Variants in WDR90 observed in about 807,000 individuals in gnomAD.
WDR90 encodes WD repeat domain 90.
Under a neutral mutation model 195.2 loss-of-function variants are expected in WDR90, and 238 were observed. The observed-to-expected ratio is 1.22, with a 90% CI of 1.10 to 1.36. The LOEUF (loss-of-function observed/expected upper bound fraction) is 1.36. Among genes scored for constraint, WDR90 ranks in the 40% most tolerant of loss-of-function variants. WDR90 has a pLI of 0.00. For synonymous variants in WDR90, 1,265 were observed against 1,052.4 expected, an observed-to-expected ratio of 1.20 and a Z score of -3.91; for missense variants, 2,734 against 2,439.5, an observed-to-expected ratio of 1.12 and a Z score of -2.54.
chr16:660,569 G>A, intron 27 of WDR90, 43 bp from the exon 28 acceptor site: 6 of 1,538,748 alleles, frequency 3.9e-6, no homozygotes, highest in Non-Finnish European at 5.3e-6. Flanking sequence ...GGCACAGGTG[G>A]CCATGCTGGG....
intron 14 of WDR90, 49 bp downstream of exon 14, chr16:655,196 G>T: frequency 6.2e-7 from 1 of 1,612,162 alleles, no homozygotes; most frequent in African/African-American, 1.3e-5. Flanking sequence ...TGGGCCCGGA[G>T]TGGGGGCCGA....
At chr16:665,849 T>TG (rs2038014892) in intron 35 of WDR90, 48 bp downstream of exon 35, 2 of 1,353,836 alleles carry the variant, frequency 1.5e-6, no homozygotes, top group Non-Finnish European at 2.0e-6. Flanking sequence ...GCCTGCTCAG[T>TG]GGGGGGCCTG....
chr16:655,131 T>C lies in WDR90; in HGVS notation c.1540T>C (p.Phe514Leu), dbSNP rs752759910. 6.2e-7 allele frequency: 1 copy of C among 1,612,418 alleles called. No homozygotes were observed. The highest frequency in any genetic ancestry group is 1.1e-5 in the South Asian group (1 of 91,084). The change falls in exon 14 of 41, where the codon TTT becomes CTT. Residue 514 changes from phenylalanine to leucine, a missense_variant. Phe to Leu is a conservative substitution (Grantham distance 22, BLOSUM62 0). Transcript: ENST00000293879. ...TGACGTCCAGGCCTTCCGGGTCACCTTTTTTGATGAAACCAGGTGATGCAG... is the reference window on the plus strand; with the variant it reads ...TGACGTCCAGGCCTTCCGGGTCACCCTTTTTGATGAAACCAGGTGATGCAG... ...DFDVQAFRVT[F>L]FDETRMASCG...
rs2037730114 is a variant in WDR90 at position 655,394 on chromosome 16, C to T, written c.1644C>T (p.His548=). The part of the protein sequence containing the change: ...LRSCPVDLGE[H]HALQFTDLAF... ...CCTGCCCCGTGGACTTAGGGGAGCA[C>T]CACGCGCTGCAGTTCACCGACCTGG... Residue 548 remains histidine, a synonymous_variant, in exon 15 of 41, where the codon CAC becomes CAT. Coordinates refer to ENST00000293879, the MANE Select transcript of WDR90 (RefSeq NM_145294.5). 6.3e-7 allele frequency: 1 copy of T among 1,596,478 alleles called. No individual in the cohort carries two copies. The highest frequency in any genetic ancestry group is 8.5e-7 in the Non-Finnish European group (1 of 1,176,888).
In WDR90 at chr16:666,466, A is replaced by G. The variant is rs771823312; in HGVS notation, c.4752A>G (p.Leu1584=). ...ICVTCKECED[L]GVEGTDLWLA... is the part of the protein sequence containing the mutation. ...CACTCCATTCCCAGTGTGAAGACTT[A>G]GGGGTGGAGGGCACAGACCTATGGC... Residue 1584 remains leucine (L), a synonymous_variant, in exon 38 of 41, where the codon TTA becomes TTG. Transcript: ENST00000293879. 5.0e-6 allele frequency: 8 copies of G among 1,612,098 alleles called. No homozygotes were observed. The highest frequency in any genetic ancestry group is 1.3e-5 in the African/African-American group (1 of 74,916).
intron 40 of WDR90, 115 bp downstream of exon 40, chr16:667,104 G>T: frequency 8.8e-7 from 1 of 1,142,564 alleles, no homozygotes. Flanking sequence ...CGTCTCTGGG[G>T]TGGGGTGAGG....
At chr16:649,502 C>T (rs1397300022) in intron 1 of WDR90, 76 bp downstream of exon 1, 1 of 1,277,526 alleles carries the variant, frequency 7.8e-7, no homozygotes, top group Non-Finnish European at 9.9e-7. Flanking sequence ...GGCCGGAGCG[C>T]TCAGGGCCCC....
chr16:659,627 G>A (rs981677141), intron 26 of WDR90, among the ~76,000 whole-genome samples: 13 of 152,170 alleles, frequency 8.5e-5, no homozygotes, highest in African/African-American at 2.4e-4. Flanking sequence ...CCTTGTCCCC[G>A]TCAGATGAGG....
In WDR90 at chr16:655,314, T is replaced by G; in HGVS notation, c.1564T>G (p.Ser522Ala). 1.9e-6 allele frequency: 3 copies of G among 1,605,824 alleles called. No individual in the cohort carries two copies. Among genetic ancestry groups the G allele is most frequent in the Non-Finnish European group, 1.7e-6 (2 of 1,179,686 alleles). ...AGTCCTCATTCCTTGCAGGATGGCGTCGTGCGGGCAGGGCAGTGTGCGGCT... is the reference window on the plus strand; with the variant it reads ...AGTCCTCATTCCTTGCAGGATGGCGGCGTGCGGGCAGGGCAGTGTGCGGCT... ...VTFFDETRMASCGQGSVRLWR... is the reference protein window; with the variant it reads ...VTFFDETRMAACGQGSVRLWR... Residue 522 changes from serine to alanine, a missense_variant, in exon 15 of 41, where the codon TCG becomes GCG. By Grantham distance (99) the Ser-to-Ala change is moderately conservative (BLOSUM62 1). Coordinates refer to ENST00000293879, the MANE Select transcript of WDR90 (RefSeq NM_145294.5).
rs763030348 is a variant in WDR90, at chr16:657,787, C to T, written c.2499C>T (p.Pro833=). 18 of 1,550,850 alleles carry T rather than the reference C, an allele frequency of 1.2e-5. No homozygotes were observed. Among genetic ancestry groups the T allele is most frequent in the South Asian group, 4.8e-5 (4 of 84,160 alleles). ...CGGACATGGTATGCCCGGATGCCCCCGCGAGCCCCAGCGCCCTGGCAGTCA... is the reference window on the plus strand; with the variant it reads ...CGGACATGGTATGCCCGGATGCCCCTGCGAGCCCCAGCGCCCTGGCAGTCA... The part of the protein sequence containing the change: ...VAADMVCPDA[P]ASPSALAVSR... Residue 833 remains proline, a synonymous_variant, in exon 21 of 41, where the codon CCC becomes CCT. Transcript: ENST00000293879.
At chr16:651,300 A>G in intron 7 of WDR90, 34 bp downstream of exon 7, 1 of 1,610,040 alleles carries the variant, frequency 6.2e-7, no homozygotes, top group South Asian at 1.1e-5. Flanking sequence ...ACCCAGGTTA[A>G]GGCCTGTAGG....
chr16:650,945 C>T, intron 5 of WDR90, 50 bp from the exon 6 acceptor site: 1 of 1,593,702 alleles, frequency 6.3e-7, no homozygotes. Context: ...GCCCTGTGTT[C>T]AGGTGGCTAA....
Position 653,756 on chromosome 16 carries a change from AGCGGGGCCCTTCTCTG to A in WDR90, c.1391_1406del (p.Ser464ThrfsTer77), listed in dbSNP as rs2037691603. 4 of 1,613,160 alleles carry A rather than the reference AGCGGGGCCCTTCTCTG, an allele frequency of 2.5e-6. No homozygotes were observed. Among genetic ancestry groups the A allele is most frequent in the African/African-American group, 1.3e-5 (1 of 74,946 alleles). The stretch of plus-strand genomic sequence containing the variant: ...CCTCCCTGTTCACAGCTTCTCTGAC[AGCGGGGCCCTTCTCTG>A]CGGGGTTGGCAAGGACCACCACGGG... On this transcript the variant is annotated frameshift_variant, in exon 13 of 41. Transcript: ENST00000293879. LOFTEE classifies it high-confidence loss of function.
rs866493207 is a variant in WDR90 at position 649,800 on chromosome 16, C to A, written c.48C>A (p.Phe16Leu). The A allele has an allele frequency of 1.3e-6, 2 of 1,577,746 alleles. No homozygotes were observed. The highest frequency in any genetic ancestry group is 1.3e-5 in the African/African-American group (1 of 74,428). Residue 16 changes from phenylalanine (F) to leucine (L), a missense_variant, in exon 2 of 41, where the codon TTC becomes TTA. Transcript: ENST00000293879. ...CGTTCCTCAACGTCTTCAGACACTT[C>A]CGGGTGGACGAGTGGAAGCGCTCCG... ...QHPFLNVFRH[F>L]RVDEWKRSAK...
At position 656,338 on chromosome 16, in the gene WDR90, C is replaced by T. The variant is rs753617422; in HGVS notation, c.2003C>T (p.Pro668Leu). The change falls in exon 18 of 41, where the codon CCC (proline) becomes CTC (leucine). Residue 668 changes from proline (P) to leucine (L), a missense_variant. Transcript: ENST00000293879. Reference sequence around the variant, plus strand: ...CCCGTCAGCTCAGTCTGTGTCAGCCCCGATGGCCTCCGTGTGCTGTCTGCC... The same window carrying T: ...CCCGTCAGCTCAGTCTGTGTCAGCCTCGATGGCCTCCGTGTGCTGTCTGCC... ...EGPVSSVCVS[P>L]DGLRVLSATS... 1 of 1,609,506 alleles carries T rather than the reference C, an allele frequency of 6.2e-7. No homozygotes were observed. Among genetic ancestry groups the T allele is most frequent in the African/African-American group, 1.3e-5 (1 of 74,978 alleles).
intron 13 of WDR90, chr16:654,247 A>C (rs1473490767): frequency 5.6e-6 from 1 of 179,024 alleles, no homozygotes; most frequent in African/African-American, 2.4e-5. Flanking sequence ...GCTGGAATGC[A>C]GTGGTGCAAT....
chr16:659,518 G>C, intron 26 of WDR90, 142 bp downstream of exon 26: 1 of 1,182,676 alleles, frequency 8.5e-7, no homozygotes, highest in South Asian at 1.5e-5. Context: ...AGTGGGGTCG[G>C]GGTGGGGGCA....
At position 655,745 on chromosome 16, in the gene WDR90, C is replaced by T. The variant is rs747993649; in HGVS notation, c.1850-28C>T. On this transcript the variant is annotated intron_variant, in intron 16 of 40. Coordinates refer to ENST00000293879, the MANE Select transcript of WDR90 (RefSeq NM_145294.5). ...CACGTGGCCAGGGTGGCAGGGACAC[C>T]GAGGCACTGACGCCTCCCTGCCCCC... is the stretch of plus-strand genomic sequence containing the variant. 1.7e-5 allele frequency: 27 copies of T among 1,581,704 alleles called. No homozygotes were observed. The East Asian group carries it at 1.8e-4, about 11-fold the overall frequency.
chr16:666,156 G>A (rs199958382), intron 36 of WDR90, 32 bp downstream of exon 36: 31 of 1,606,716 alleles, frequency 1.9e-5, no homozygotes, highest in African/African-American at 1.6e-4. Context: ...GGATGGTGCC[G>A]TCCTGACCTG....
Sources: allele counts gnomAD v4.1 joint callset (sites outside exome capture counted in the v4.1 genomes callset), GRCh38; gene constraint gnomAD v4.1.1; transcripts MANE v1.5; gene names NCBI Gene and HGNC (gene_info 2026-07-23, HGNC 2026-07-21).